Variants in LAMA1 observed in about 807,000 individuals in gnomAD.
LAMA1 encodes laminin subunit alpha-1.
LAMA1 carries 219 observed loss-of-function variants against 348.7 expected under a neutral mutation model. The observed-to-expected ratio is 0.63, with a 90% CI of 0.56 to 0.70. LAMA1 has a LOEUF of 0.70. LAMA1 is among the 30% of genes least tolerant of loss of function. LAMA1 has a pLI of 0.00. For synonymous variants in LAMA1, 1,487 were observed against 1,491.0 expected, an observed-to-expected ratio of 1.00 and a Z score of 0.06; for missense variants, 3,744 against 3,888.0, an observed-to-expected ratio of 0.96 and a Z score of 0.99.
rs1306006873 is a variant in LAMA1, at chr18:7,024,529, A to C, written c.2403-63T>G. ...GATGAAGCCGAATTTCTAACTATTT[A>C]AAATGCTTCATTTCTACTACTCCTG... On this transcript the variant is annotated intron_variant, in intron 17 of 62. Transcript: ENST00000389658. The C allele has an allele frequency of 4.7e-6, 6 of 1,285,064 alleles. No individual in the cohort carries two copies. In the East Asian group the frequency reaches 1.2e-4, roughly 26 times the overall value. The allele number at this position is 1,285,064 out of a possible 1,614,324, so 79.6% of individuals were successfully genotyped here. A position where few individuals can be genotyped will look rare whatever the true frequency, so the allele number is the denominator to read the frequency against.
intron 3 of LAMA1, among the ~76,000 whole-genome samples, chr18:7,061,373 G>A (rs2058101390): frequency 6.6e-6 from 1 of 152,188 alleles, no homozygotes; most frequent in South Asian, 2.1e-4. Context: ...TGCTCTTTGT[G>A]AGGATCTTCA....
At position 6,958,684 on chromosome 18, in the gene LAMA1, T is replaced by C; in HGVS notation, c.7779-22A>G. The C allele has an allele frequency of 4.4e-6, 7 of 1,582,634 alleles. No homozygotes were observed. In the South Asian group the frequency reaches 5.5e-5, roughly 12 times the overall value. The stretch of plus-strand genomic sequence containing the variant: ...AATTCTAAAAGACCAATGGAGAAAA[T>C]AAATGAAAAGCTTTAAACATAATGA... On this transcript the variant is annotated intron_variant, in intron 54 of 62. Transcript: ENST00000389658.
intron 41 of LAMA1, 87 bp downstream of exon 41, chr18:6,982,410 G>T: frequency 9.6e-7 from 1 of 1,045,938 alleles, no homozygotes; most frequent in Non-Finnish European, 1.5e-6. Context: ...TCAAGTTGCT[G>T]CATGCAAGGA....
Position 6,958,530 on chromosome 18 carries a change from G to T in LAMA1, c.7911C>A (p.Leu2637=). 1.2e-6 allele frequency: 2 copies of T among 1,614,170 alleles called. No homozygotes were observed. The highest frequency in any genetic ancestry group is 1.7e-6 in the Non-Finnish European group (2 of 1,180,032). ...GIPEGEGTSL[L]TMRRSFHGCI... is the part of the protein sequence containing the mutation. ...AGCCATGGAACGATCTTCTCATTGT[G>T]AGCAGTGACGTCCCCTCTCCCTCTG... Residue 2637 remains leucine (L), a synonymous_variant, in exon 55 of 63, where the codon CTC becomes CTA. Transcript: ENST00000389658.
intron 9 of LAMA1, among the ~76,000 whole-genome samples, chr18:7,041,155 TA>T (rs879262403): frequency 0.017 from 2,353 of 142,422 alleles, 48 homozygotes; most frequent in African/African-American, 0.053. Flanking sequence ...AACTGTTTTG[TA>T]AAAAAAAAAA....
intron 61 of LAMA1, 86 bp downstream of exon 61, chr18:6,947,077 A>G: frequency 6.5e-7 from 1 of 1,527,378 alleles, no homozygotes; most frequent in Non-Finnish European, 9.1e-7. Flanking sequence ...GAAAATAGAT[A>G]GTTGTGAATT....
chr18:7,071,869 C>T (rs551555826), intron 3 of LAMA1, among the ~76,000 whole-genome samples: 1 of 152,334 alleles, frequency 6.6e-6, no homozygotes, highest in South Asian at 2.1e-4. Context: ...AGCCAAGTCA[C>T]AGGCGATTAT....
At position 6,948,419 on chromosome 18, in the gene LAMA1, G is replaced by A. The variant is rs199804823; in HGVS notation, c.8694C>T (p.Ser2898=). 6.6e-5 allele frequency: 106 copies of A among 1,614,170 alleles called. No homozygotes were observed. The highest frequency in any genetic ancestry group is 1.2e-4 in the Admixed American group (7 of 60,022). ...VAQEGTYFDG[S]GYAALVKEGY... ...AACACATACCAAGAGCTGCATATCC[G>A]CTTCCGTCAAAGTATGTTCCTTCCT... Residue 2898 remains serine, a synonymous_variant, in exon 60 of 63, where the codon AGC becomes AGT. Coordinates refer to ENST00000389658, the MANE Select transcript of LAMA1 (RefSeq NM_005559.4).
chr18:7,098,739 G>C, intron 1 of LAMA1, among the ~76,000 whole-genome samples: 1 of 138,698 alleles, frequency 7.2e-6, no homozygotes, highest in Admixed American at 7.2e-5. Flanking sequence ...CCCCCCGCCC[G>C]GCCAGCCACC....
At chr18:6,942,362 ATT>A in intron 62 of LAMA1, 123 bp from the exon 63 acceptor site, 2 of 1,028,524 alleles carry the variant, frequency 1.9e-6, no homozygotes, top group Non-Finnish European at 2.8e-6. Context: ...CACTATCAAA[ATT>A]AGGAGAATAT....
At chr18:6,942,327 G>T in intron 62 of LAMA1, 88 bp from the exon 63 acceptor site, 1 of 1,415,212 alleles carries the variant, frequency 7.1e-7, no homozygotes, top group Non-Finnish European at 9.6e-7. Context: ...AATCTCAAGC[G>T]GGTTTTTTTA....
At chr18:6,982,993 A>G in intron 40 of LAMA1, 106 bp downstream of exon 40, 1 of 1,431,066 alleles carries the variant, frequency 7.0e-7, no homozygotes, top group Non-Finnish European at 9.8e-7. Flanking sequence ...ATTCCACCAG[A>G]AAAGAATGTT....
In LAMA1 at chr18:6,972,957, C is replaced by G. The variant is rs1025846185; in HGVS notation, c.6774+100G>C. The G allele has an allele frequency of 6.5e-6, 9 of 1,380,580 alleles. No individual in the cohort carries two copies. In the African/African-American group the frequency reaches 1.3e-4, roughly 20 times the overall value. 85.5% of individuals were successfully genotyped at this position (1,380,580 alleles called of 1,614,324 possible). A position where few individuals can be genotyped will look rare whatever the true frequency, so the allele number is the denominator to read the frequency against. On this transcript the variant is annotated intron_variant, in intron 47 of 62. Coordinates refer to ENST00000389658, the MANE Select transcript of LAMA1 (RefSeq NM_005559.4). ...CTGCCCACCTTGGCCTCCCAAAGTTCTGGGATTACAGGCGTGAGCCACCAC... is the reference window on the plus strand; with the variant it reads ...CTGCCCACCTTGGCCTCCCAAAGTTGTGGGATTACAGGCGTGAGCCACCAC...
chr18:7,117,623 CG>C, intron 1 of LAMA1, 36 bp downstream of exon 1: 1 of 1,587,620 alleles, frequency 6.3e-7, no homozygotes. Flanking sequence ...CGCCCGCCTG[CG>C]GGGGACAGGG....
chr18:7,107,132 T>TTC (rs947239523), intron 1 of LAMA1, among the ~76,000 whole-genome samples: 40 of 151,326 alleles, frequency 2.6e-4, no homozygotes, highest in Admixed American at 1.3e-3. Flanking sequence ...TTTTTTTTTT[T>TTC]TTTTGAGACG....
chr18:6,959,910 T>C (rs369182528), intron 53 of LAMA1: 11 of 256,326 alleles, frequency 4.3e-5, no homozygotes, highest in African/African-American at 1.3e-4. Flanking sequence ...AATTAAACAT[T>C]TGAAGGATGT....
intron 3 of LAMA1, among the ~76,000 whole-genome samples, chr18:7,072,558 A>G (rs951732944): frequency 2.6e-5 from 4 of 152,236 alleles, no homozygotes; most frequent in Non-Finnish European, 4.4e-5. Context: ...CTAGTTTGTA[A>G]TGTATTAGAC....
chr18:7,101,753 G>C (rs369217480), intron 1 of LAMA1, among the ~76,000 whole-genome samples: 2 of 152,002 alleles, frequency 1.3e-5, no homozygotes, highest in African/African-American at 4.8e-5. Flanking sequence ...CTGCAGCCTC[G>C]ACCTCTTGGG....
At chr18:7,053,318 C>A (rs905879916) in intron 3 of LAMA1, among the ~76,000 whole-genome samples, 3 of 152,114 alleles carry the variant, frequency 2.0e-5, no homozygotes, top group Non-Finnish European at 4.4e-5. Context: ...CAAGAGGGAA[C>A]CCTCAGGTAA....
Sources: allele counts gnomAD v4.1 joint callset (sites outside exome capture counted in the v4.1 genomes callset), GRCh38; gene constraint gnomAD v4.1.1; transcripts MANE v1.5; gene names NCBI Gene and HGNC (gene_info 2026-07-23, HGNC 2026-07-21).